ABCG2: variants seen among roughly 807,000 people sequenced by gnomAD.
The protein encoded by ABCG2 is ATP binding cassette subfamily G member 2 (JR blood group), also known as broad substrate specificity ATP-binding cassette transporter ABCG2.
Under a neutral mutation model 73.5 loss-of-function variants are expected in ABCG2, and 80 were observed. That is an observed-to-expected ratio of 1.09 (90% CI 0.91 to 1.31). ABCG2 has a LOEUF of 1.31. Ranked by LOEUF, ABCG2 falls within the 50% of genes most tolerant of loss-of-function variation. ABCG2 has a pLI of 0.00. For synonymous variants in ABCG2, 269 were observed against 282.4 expected, an observed-to-expected ratio of 0.95 and a Z score of 0.48; for missense variants, 796 against 786.2, an observed-to-expected ratio of 1.01 and a Z score of -0.15.
chr4:88,204,134 C>A (rs1339572249), intron 1 of ABCG2, among the ~76,000 whole-genome samples: 2 of 151,936 alleles, frequency 1.3e-5, no homozygotes, highest in African/African-American at 2.4e-5. Context: ...GTAAAGAATT[C>A]AAGCCGGCCG....
chr4:88,207,948 G>A (rs1560458615), intron 1 of ABCG2, among the ~76,000 whole-genome samples: 1 of 152,136 alleles, frequency 6.6e-6, no homozygotes, highest in Non-Finnish European at 1.5e-5. Flanking sequence ...ATCAATATAA[G>A]ATAACTAAAG....
intron 10 of ABCG2, 28 bp downstream of exon 10, chr4:88,107,134 TTGAAGAAAGTAACAGCATTTTC>T: frequency 7.4e-7 from 1 of 1,347,020 alleles, no homozygotes; most frequent in South Asian, 1.2e-5. Flanking sequence ...TTCAATAAGC[TTGAAGAAAGTAACAGCATTTTC>T]TGAAAATCAA....
At chr4:88,191,768 G>A (rs368417912) in intron 1 of ABCG2, among the ~76,000 whole-genome samples, 14 of 152,144 alleles carry the variant, frequency 9.2e-5, no homozygotes, top group Non-Finnish European at 1.3e-4. Flanking sequence ...ATAAAAAATC[G>A]TTCAGCAATC....
chr4:88,103,886 T>C (rs1388637877), intron 10 of ABCG2, among the ~76,000 whole-genome samples: 2 of 152,258 alleles, frequency 1.3e-5, no homozygotes, highest in Non-Finnish European at 2.9e-5. Flanking sequence ...ATCCATGTTG[T>C]TGCAAATGAC....
intron 1 of ABCG2, among the ~76,000 whole-genome samples, chr4:88,165,204 G>A (rs189068112): frequency 1.3e-5 from 2 of 152,218 alleles, no homozygotes; most frequent in Non-Finnish European, 2.9e-5. Flanking sequence ...TTGGAAAAAT[G>A]ATGAATATTT....
At position 88,132,568 on chromosome 4, in the gene ABCG2, A is replaced by G. The variant is rs45536031; in HGVS notation, c.263+8T>C. 6.2e-7 allele frequency: 1 copy of G among 1,614,100 alleles called. No individual in the cohort carries two copies. Among genetic ancestry groups the G allele is most frequent in the African/African-American group, 1.3e-5 (1 of 75,038 alleles). On this transcript the variant is annotated splice_region_variant and intron_variant, in intron 3 of 15. Transcript: ENST00000237612. ...AGAAAACGCTTACTTATACTCTCTT[A>G]TACTCACGAAGATTTGCCTCCACCT...
chr4:88,131,981 T>TC, intron 3 of ABCG2, 64 bp from the exon 4 acceptor site: 1 of 1,242,174 alleles, frequency 8.1e-7, no homozygotes, highest in Non-Finnish European at 1.2e-6. Context: ...GTTGTGGGGT[T>TC]TTTTTCCCTC....
At chr4:88,205,310 T>C (rs1351140643) in intron 1 of ABCG2, among the ~76,000 whole-genome samples, 1 of 152,216 alleles carries the variant, frequency 6.6e-6, no homozygotes, top group Non-Finnish European at 1.5e-5. Flanking sequence ...GTCTTAATCT[T>C]AATCTTAAAA....
At chr4:88,139,585 G>A (rs1258814200) in intron 2 of ABCG2, among the ~76,000 whole-genome samples, 1 of 152,188 alleles carries the variant, frequency 6.6e-6, no homozygotes, top group Non-Finnish European at 1.5e-5. Context: ...AAGTCTGGCA[G>A]TTACTTTGAG....
In ABCG2 at chr4:88,211,525, T is replaced by C. The variant is rs147516868; in HGVS notation, c.-20+19469A>G. Among the ~76,000 whole-genome samples, 396 of 152,322 alleles carry C rather than the reference T, an allele frequency of 2.6e-3. 3 individuals carry two copies. The highest frequency in any genetic ancestry group is 9.1e-3 in the African/African-American group (380 of 41,566). On this transcript the variant is annotated intron_variant, in intron 1 of 15. Coordinates refer to the ABCG2 transcript ENST00000515655. The stretch of plus-strand genomic sequence containing the variant: ...TCCGCCTCCCAGGTTCAAGTGATTC[T>C]TCTGCCTCAGACACCTGAGTAGCTG...
At position 88,132,654 on chromosome 4, in the gene ABCG2, A is replaced by G; in HGVS notation, c.204-19T>C. The G allele has an allele frequency of 6.2e-7, 1 of 1,613,804 alleles. No individual in the cohort carries two copies. Among genetic ancestry groups the G allele is most frequent in the Non-Finnish European group, 8.5e-7 (1 of 1,179,670 alleles). On this transcript the variant is annotated intron_variant, in intron 2 of 15. Transcript: ENST00000237612. ...GATCCCACTGTAAACACAAAAACAG[A>G]CTGATTTACTATTCCATTTTAAGTC...
chr4:88,168,004 C>T (rs1727607625), intron 1 of ABCG2, among the ~76,000 whole-genome samples: 2 of 148,234 alleles, frequency 1.3e-5, no homozygotes, highest in South Asian at 4.2e-4. Context: ...AAAAAGCAGG[C>T]GTCAAAGTCT....
intron 2 of ABCG2, among the ~76,000 whole-genome samples, chr4:88,132,907 TA>T (rs1400895956): frequency 6.7e-6 from 1 of 149,894 alleles, no homozygotes; most frequent in Non-Finnish European, 1.5e-5. Flanking sequence ...TGTCTCTACT[TA>T]AAGAAAAAAA....
intron 1 of ABCG2, among the ~76,000 whole-genome samples, chr4:88,173,030 A>T (rs1467261075): frequency 1.3e-5 from 2 of 152,198 alleles, no homozygotes; most frequent in Admixed American, 1.3e-4. Context: ...AAACATTGAA[A>T]AGCAGTTTTT....
intron 1 of ABCG2, among the ~76,000 whole-genome samples, chr4:88,145,248 T>C (rs1384863266): frequency 6.6e-6 from 1 of 152,240 alleles, no homozygotes; most frequent in Non-Finnish European, 1.5e-5. Context: ...GTCAGGCGAT[T>C]GCTACAAACT....
intron 6 of ABCG2, 152 bp downstream of exon 6, chr4:88,121,483 C>T (rs928474238): frequency 2.8e-5 from 23 of 807,856 alleles, no homozygotes; most frequent in Non-Finnish European, 4.3e-5. Context: ...CTTTGTTTTT[C>T]TTGATAATGC....
chr4:88,155,403 C>T lies in ABCG2; in HGVS notation c.-20+2983G>A, dbSNP rs191258380. Among the ~76,000 whole-genome samples the T allele has an allele frequency of 4.8e-3, 730 of 152,154 alleles. 3 individuals are homozygous for T. The highest frequency in any genetic ancestry group is 8.1e-3 in the Non-Finnish European group (548 of 68,012). On this transcript the variant is annotated intron_variant, in intron 1 of 15. Coordinates refer to ENST00000237612, the MANE Select transcript of ABCG2 (RefSeq NM_004827.3). Reference sequence around the variant, plus strand: ...GAAGTAATGGGGGCTGTCTGTGAAGCCTTGAGGCAGTACAGAGCCAGGATG... The same window carrying T: ...GAAGTAATGGGGGCTGTCTGTGAAGTCTTGAGGCAGTACAGAGCCAGGATG...
chr4:88,198,233 T>C (rs1729015665), intron 1 of ABCG2, among the ~76,000 whole-genome samples: 1 of 152,000 alleles, frequency 6.6e-6, no homozygotes. Flanking sequence ...CTCGGGAGGC[T>C]GAGACAGGAG....
intron 1 of ABCG2, among the ~76,000 whole-genome samples, chr4:88,196,470 T>A (rs923670500): frequency 1.3e-5 from 2 of 152,098 alleles, no homozygotes; most frequent in African/African-American, 4.8e-5. Flanking sequence ...CATAAGGAAG[T>A]TTTTCTGTTA....
Sources: allele counts gnomAD v4.1 joint callset (sites outside exome capture counted in the v4.1 genomes callset), GRCh38; gene constraint gnomAD v4.1.1; transcripts MANE v1.5; gene names NCBI Gene and HGNC (gene_info 2026-07-23, HGNC 2026-07-21).